Variants in SKI observed in about 807,000 individuals in gnomAD.
SKI encodes ski oncogene.
SKI carries 23 observed loss-of-function variants against 59.3 expected under a neutral mutation model. The observed-to-expected ratio is 0.39, with a 90% CI of 0.28 to 0.55. The LOEUF is 0.55. Ranked by LOEUF, SKI falls within the 20% of genes least tolerant of loss-of-function variation. SKI has a pLI of 0.67. For synonymous variants in SKI, 673 were observed against 488.6 expected (o/e 1.38, Z -4.98); for missense variants, 1,017 against 1,038.9 (o/e 0.98, Z 0.29).
chr1:2,301,539 G>A (rs1640425981), intron 1 of SKI, among the ~76,000 whole-genome samples: 1 of 151,922 alleles, frequency 6.6e-6, no homozygotes, highest in Non-Finnish European at 1.5e-5. Context: ...GGGAGGCCAC[G>A]GGCTTTGGCC....
At chr1:2,293,088 T>C (rs1640199632) in intron 1 of SKI, among the ~76,000 whole-genome samples, 1 of 152,052 alleles carries the variant, frequency 6.6e-6, no homozygotes. Context: ...AATTTGTCAA[T>C]AAACCTGAAC....
chr1:2,272,176 A>G (rs902078351), intron 1 of SKI, among the ~76,000 whole-genome samples: 5 of 152,214 alleles, frequency 3.3e-5, no homozygotes, highest in African/African-American at 1.2e-4. Context: ...TGCCCTCTGC[A>G]CAGATGGGCG....
chr1:2,233,713 G>A (rs772329345), intron 1 of SKI, among the ~76,000 whole-genome samples: 5 of 152,164 alleles, frequency 3.3e-5, no homozygotes, highest in Non-Finnish European at 7.3e-5. Flanking sequence ...TTTGAGTCTC[G>A]AGGTCTGTTC....
rs1192512282 is a variant in SKI at position 2,267,041 on chromosome 1, C to T, written c.970-35937C>T. Among the ~76,000 whole-genome samples the T allele has an allele frequency of 6.6e-6, 1 of 152,130 alleles. No individual in the cohort carries two copies. The highest frequency in any genetic ancestry group is 2.4e-5 in the African/African-American group (1 of 41,414). On this transcript the variant is annotated intron_variant, in intron 1 of 6. Transcript: ENST00000378536. The surrounding 1 kb of genome is among the most constrained non-coding windows in gnomAD (Gnocchi z 4.1). ...ATCCATTGTGAGCGGATGTGTTTTC[C>T]TTCTGCAATAATTTTGGCTACATTA...
chr1:2,270,024 G>A lies in SKI; in HGVS notation c.970-32954G>A, dbSNP rs1639583113. Among the ~76,000 whole-genome samples, 1 of 151,786 alleles carries A rather than the reference G, an allele frequency of 6.6e-6. No homozygotes were observed. Among genetic ancestry groups the A allele is most frequent in the Non-Finnish European group, 1.5e-5 (1 of 67,946 alleles). ...TGCCTGTGGCTGGCGTGGGTCTGGC[G>A]GGTCTGGCATGTTTGGTGGTGCCTG... is the stretch of plus-strand genomic sequence containing the variant. On this transcript the variant is annotated intron_variant, in intron 1 of 6. Transcript: ENST00000378536. The surrounding 1 kb of genome is among the most constrained non-coding windows in gnomAD (Gnocchi z 4.1).
At chr1:2,283,184 C>T (rs1455974576) in intron 1 of SKI, among the ~76,000 whole-genome samples, 1 of 152,236 alleles carries the variant, frequency 6.6e-6, no homozygotes, top group Admixed American at 6.5e-5. Flanking sequence ...AGGCTGGGTT[C>T]CGAGGGTGCC....
intron 1 of SKI, among the ~76,000 whole-genome samples, chr1:2,237,721 C>CT (rs1024852524): frequency 2.0e-4 from 30 of 152,236 alleles, no homozygotes; most frequent in Non-Finnish European, 4.1e-4. Context: ...CTCTTGGTTT[C>CT]TTTTTTTGGA....
chr1:2,260,541 T>C (rs539528899), intron 1 of SKI, among the ~76,000 whole-genome samples: 30 of 125,346 alleles, frequency 2.4e-4, no homozygotes, highest in Middle Eastern at 3.7e-3. Context: ...TTTTCTTTTT[T>C]TTTTTTTTTT....
chr1:2,240,700 G>A (rs1638851851), intron 1 of SKI: 1 of 985,470 alleles, frequency 1.0e-6, no homozygotes, highest in Non-Finnish European at 1.2e-6. Context: ...GAGGATGGAG[G>A]ACAGTTCTAG....
At chr1:2,284,096 C>T (rs1024877811) in intron 1 of SKI, among the ~76,000 whole-genome samples, 14 of 152,212 alleles carry the variant, frequency 9.2e-5, no homozygotes, top group African/African-American at 1.2e-4. Context: ...CATGAATGCC[C>T]GGGGCTTGGG....
At chr1:2,278,650 T>G (rs1639799727) in intron 1 of SKI, among the ~76,000 whole-genome samples, 2 of 151,124 alleles carry the variant, frequency 1.3e-5, no homozygotes, top group African/African-American at 4.9e-5. Context: ...GGGGTCTCTC[T>G]GGGGCCTTTT....
chr1:2,265,708 A>G (rs1046194545), intron 1 of SKI, among the ~76,000 whole-genome samples: 5 of 152,126 alleles, frequency 3.3e-5, no homozygotes, highest in African/African-American at 1.2e-4. Flanking sequence ...GACTCACACC[A>G]GTAATCCTAG....
intron 1 of SKI, among the ~76,000 whole-genome samples, chr1:2,271,173 A>G (rs933729931): frequency 3.3e-5 from 5 of 152,264 alleles, no homozygotes; most frequent in African/African-American, 1.2e-4. Flanking sequence ...GTCCCGGGAC[A>G]GTCCCTGAGA....
At chr1:2,278,405 T>C (rs1185851270) in intron 1 of SKI, among the ~76,000 whole-genome samples, 2 of 152,164 alleles carry the variant, frequency 1.3e-5, no homozygotes, top group East Asian at 3.9e-4. Flanking sequence ...GATTCCTAAA[T>C]GTGATCTGGA....
chr1:2,252,728 T>C (rs1381099220), intron 1 of SKI, among the ~76,000 whole-genome samples: 2 of 152,104 alleles, frequency 1.3e-5, no homozygotes, highest in Non-Finnish European at 2.9e-5. Context: ...ACCAGGCTGG[T>C]GCTCAGCTCT....
chr1:2,237,297 C>T (rs1159794486), intron 1 of SKI, among the ~76,000 whole-genome samples: 4 of 152,220 alleles, frequency 2.6e-5, no homozygotes, highest in Admixed American at 2.0e-4. Context: ...TCTCTGTCCA[C>T]GCCCTGTGTG....
At chr1:2,245,429 G>A (rs1249997106) in intron 1 of SKI, among the ~76,000 whole-genome samples, 1 of 152,202 alleles carries the variant, frequency 6.6e-6, no homozygotes, top group African/African-American at 2.4e-5. Flanking sequence ...TCAGTTCTGG[G>A]TGTAGACCCA....
At chr1:2,294,822 C>T (rs770802578) in intron 1 of SKI, among the ~76,000 whole-genome samples, 2 of 152,200 alleles carry the variant, frequency 1.3e-5, no homozygotes, top group East Asian at 1.9e-4. Flanking sequence ...CTGGGGTCTG[C>T]GCCAGGCAAC....
Position 2,292,778 on chromosome 1 carries a change from G to A in SKI, c.970-10200G>A, listed in dbSNP as rs565742352. On this transcript the variant is annotated intron_variant, in intron 1 of 6. Transcript: ENST00000378536. Reference sequence around the variant, plus strand: ...GGCCTGTGGCTTTTAGGAACCTTGAGGAGGTGGGGGTGGTCTTCTGACGCC... The same window carrying A: ...GGCCTGTGGCTTTTAGGAACCTTGAAGAGGTGGGGGTGGTCTTCTGACGCC... Among the ~76,000 whole-genome samples, 7 of 152,372 alleles carry A rather than the reference G, an allele frequency of 4.6e-5. 1 individual carries two copies. In the South Asian group the frequency reaches 1.0e-3, roughly 23 times the overall value.
Sources: allele counts gnomAD v4.1 joint callset (sites outside exome capture counted in the v4.1 genomes callset), GRCh38; gene constraint gnomAD v4.1.1; non-coding constraint Gnocchi (gnomAD v3.1); transcripts MANE v1.5; gene names NCBI Gene and HGNC (gene_info 2026-07-23, HGNC 2026-07-21).